The following FBXO34 variants were observed in gnomAD, a reference collection of about 807,000 sequenced individuals.
FBXO34 encodes the protein F-box only protein 34.
Under a neutral mutation model 24.5 loss-of-function variants are expected in FBXO34, and 12 were observed. That is an observed-to-expected ratio of 0.49 (90% CI 0.31 to 0.79). The LOEUF is 0.79. FBXO34 is among the 30% of genes least tolerant of loss of function. FBXO34 has a pLI of 0.04. For missense variants in FBXO34, 823 were observed against 857.7 expected (o/e 0.96, Z 0.51); for synonymous variants, 320 against 311.9 (o/e 1.03, Z -0.27).
rs529072705 is a variant in FBXO34 at position 55,361,600 on chromosome 14, T to C, written c.*589-133T>C. ...CTCTCTAAGTTGTGAAAATCCTAGA[T>C]GGTATCTTCTTCCAATAGGATGCTG... On this transcript the variant is annotated intron_variant and NMD_transcript_variant, in intron 3 of 3. Coordinates refer to the FBXO34 transcript ENST00000555280. The C allele has an allele frequency of 5.3e-5, 8 of 152,358 alleles. No homozygotes were observed. The East Asian group carries it at 1.5e-3, about 29-fold the overall frequency. 9.4% of individuals were successfully genotyped at this position (152,358 alleles called of 1,614,324 possible).
At chr14:55,413,760 A>C in the FBXO34 span, 1 of 319,498 alleles carries the variant, frequency 3.1e-6, no homozygotes, top group Non-Finnish European at 6.1e-6. Context: ...AGATGGATCA[A>C]CTGAGGTCAG....
intron 1 of FBXO34, among the ~76,000 whole-genome samples, chr14:55,291,253 T>A (rs1414421309): frequency 6.6e-6 from 1 of 152,160 alleles, no homozygotes; most frequent in Non-Finnish European, 1.5e-5. Context: ...GCTAATTTCA[T>A]AGGTAAAAAA....
At chr14:55,416,040 T>A in the FBXO34 span, among the ~76,000 whole-genome samples, 3 of 152,000 alleles carry the variant, frequency 2.0e-5, no homozygotes, top group Non-Finnish European at 4.4e-5. Flanking sequence ...AAGAGTTAAA[T>A]CCATGGAGAC....
chr14:55,303,911 G>A (rs893129794), intron 1 of FBXO34, among the ~76,000 whole-genome samples: 2 of 152,200 alleles, frequency 1.3e-5, no homozygotes, highest in Non-Finnish European at 2.9e-5. Context: ...TGATTATTGT[G>A]ATTTATGTGG....
the FBXO34 span, chr14:55,414,213 T>C: frequency 1.4e-5 from 8 of 585,180 alleles, no homozygotes; most frequent in Non-Finnish European, 2.4e-5. Flanking sequence ...GGAGTCATTT[T>C]GAATAAGAAT....
the FBXO34 span, among the ~76,000 whole-genome samples, chr14:55,390,577 T>G: frequency 6.6e-6 from 1 of 151,758 alleles, no homozygotes; most frequent in Non-Finnish European, 1.5e-5. Flanking sequence ...TTCACCATGT[T>G]AGTCAGGATG....
intron 1 of FBXO34, among the ~76,000 whole-genome samples, chr14:55,319,876 C>T (rs769137162): frequency 4.6e-5 from 7 of 152,044 alleles, no homozygotes; most frequent in African/African-American, 1.2e-4. Context: ...GGGGTTTCAC[C>T]GTGTTAGCCA....
chr14:55,328,470 T>C (rs1434727363), intron 1 of FBXO34, among the ~76,000 whole-genome samples: 2 of 152,146 alleles, frequency 1.3e-5, no homozygotes, highest in African/African-American at 4.8e-5. Context: ...GACTAACACA[T>C]TGGGAAGCCT....
At chr14:55,324,095 TC>T (rs996694525) in intron 1 of FBXO34, among the ~76,000 whole-genome samples, 2 of 151,658 alleles carry the variant, frequency 1.3e-5, no homozygotes, top group Admixed American at 6.6e-5. Flanking sequence ...CATTCCCTCC[TC>T]CCCCCCAGTG....
chr14:55,306,903 G>C (rs1024550317), intron 1 of FBXO34, among the ~76,000 whole-genome samples: 1 of 152,196 alleles, frequency 6.6e-6, no homozygotes, highest in Non-Finnish European at 1.5e-5. Flanking sequence ...TTCTCAAGTA[G>C]TGCTTTTCAA....
the FBXO34 span, among the ~76,000 whole-genome samples, chr14:55,419,036 G>A: frequency 8.5e-5 from 13 of 152,298 alleles, no homozygotes; most frequent in East Asian, 2.5e-3. Flanking sequence ...CATCCTTTTA[G>A]CCACTACACC....
At chr14:55,297,255 C>T (rs180901838) in intron 1 of FBXO34, among the ~76,000 whole-genome samples, 103 of 152,268 alleles carry the variant, frequency 6.8e-4, no homozygotes, top group Non-Finnish European at 1.8e-4. Context: ...TGAGGACTCC[C>T]GTACCCTATC....
downstream of FBXO34, chr14:55,366,491 A>G (rs1033648828): frequency 6.6e-6 from 1 of 152,666 alleles, no homozygotes; most frequent in Non-Finnish European, 1.5e-5. Flanking sequence ...GAATTCCTGC[A>G]ACATGATACT....
the FBXO34 span, among the ~76,000 whole-genome samples, chr14:55,417,940 A>ATTAC: frequency 6.6e-6 from 1 of 152,320 alleles, no homozygotes; most frequent in South Asian, 2.1e-4. Flanking sequence ...AGGAAAATAA[A>ATTAC]TTACTTAACC....
In FBXO34 at chr14:55,351,212, C is replaced by G. The variant is rs34847946; in HGVS notation, c.822C>G (p.Ser274Arg). The change falls in exon 2 of 2, where the codon AGC becomes AGG. Residue 274 changes from serine to arginine, a missense_variant. By Grantham distance (110) the Ser-to-Arg change is moderately radical (BLOSUM62 -1). Coordinates refer to ENST00000313833, the MANE Select transcript of FBXO34 (RefSeq NM_017943.4). Reference sequence around the variant, plus strand: ...ATCTTGAGGTTGGTGAACCACAGAGCGAACCAGTCCGTGTCCTTGACATGG... The same window carrying G: ...ATCTTGAGGTTGGTGAACCACAGAGGGAACCAGTCCGTGTCCTTGACATGG... ...RGNLEVGEPQSEPVRVLDMVA... is the reference protein window; with the variant it reads ...RGNLEVGEPQREPVRVLDMVA... The G allele has an allele frequency of 2.0e-4, 329 of 1,614,022 alleles. 1 individual carries two copies. Among genetic ancestry groups the G allele is most frequent in the Middle Eastern group, 3.3e-4 (2 of 6,084 alleles).
At chr14:55,395,518 G>A in the FBXO34 span, among the ~76,000 whole-genome samples, 45,594 of 152,002 alleles carry the variant, frequency 0.3, 7,185 homozygotes, top group East Asian at 0.35. Flanking sequence ...GCACCTGGCC[G>A]GAAGTTTTAA....
At chr14:55,407,485 G>A in the FBXO34 span, among the ~76,000 whole-genome samples, 2 of 151,876 alleles carry the variant, frequency 1.3e-5, no homozygotes, top group Admixed American at 6.6e-5. Context: ...GGCTAATCTC[G>A]CTCTCCTGGC....
chr14:55,283,826 G>A (rs1392161494), intron 1 of FBXO34, among the ~76,000 whole-genome samples: 2 of 151,942 alleles, frequency 1.3e-5, no homozygotes, highest in Admixed American at 1.3e-4. Context: ...TAATAAAATT[G>A]GTTATTAAAG....
chr14:55,363,701 T>C (rs1337059217), downstream of FBXO34, among the ~76,000 whole-genome samples: 2 of 152,158 alleles, frequency 1.3e-5, no homozygotes, highest in Non-Finnish European at 2.9e-5. Flanking sequence ...TGGCTTTGAA[T>C]GTGGCCCAAC....
Sources: allele counts gnomAD v4.1 joint callset (sites outside exome capture counted in the v4.1 genomes callset), GRCh38; gene constraint gnomAD v4.1.1; transcripts MANE v1.5; gene names NCBI Gene and HGNC (gene_info 2026-07-23, HGNC 2026-07-21).